SLC25A48: variants seen among roughly 807,000 people sequenced by gnomAD.
SLC25A48 encodes the protein CTC-321K16.1.
SLC25A48 carries 29 observed loss-of-function variants against 32.2 expected under a neutral mutation model. The ratio of observed to expected loss-of-function variants is 0.90; its 90% CI spans 0.67 to 1.23. The LOEUF is 1.23. SLC25A48 is among the 50% of genes most tolerant of loss of function. The pLI is 0.00. For missense variants in SLC25A48, 399 were observed against 422.7 expected, an observed-to-expected ratio of 0.94 and a Z score of 0.49; for synonymous variants, 164 against 172.3, an observed-to-expected ratio of 0.95 and a Z score of 0.38.
chr5:135,718,697 A>G (rs1227966284), intron 3 of SLC25A48, among the ~76,000 whole-genome samples: 1 of 152,206 alleles, frequency 6.6e-6, no homozygotes, highest in East Asian at 1.9e-4. Flanking sequence ...CATACATCCA[A>G]CAACTTGAAT....
At chr5:135,772,153 A>C (rs1449228489) in intron 3 of SLC25A48, among the ~76,000 whole-genome samples, 1 of 151,224 alleles carries the variant, frequency 6.6e-6, no homozygotes, top group Non-Finnish European at 1.5e-5. Context: ...AGGGTGTGTA[A>C]ACTCGCTTGT....
At chr5:135,630,588 CTTTTTTTTTTT>C (rs869088370) in intron 2 of SLC25A48, among the ~76,000 whole-genome samples, 2,807 of 58,968 alleles carry the variant, frequency 0.048, 53 homozygotes, top group African/African-American at 0.074. Flanking sequence ...GGCTGGGCAC[CTTTTTTTTTTT>C]TTTTTTTTTT....
intron 5 of SLC25A48, chr5:135,872,692 T>C (rs1193924542): frequency 2.0e-5 from 3 of 152,230 alleles, no homozygotes; most frequent in African/African-American, 7.2e-5. Flanking sequence ...CAAGAGAGGA[T>C]ACTTTTTAAG....
intron 1 of SLC25A48, among the ~76,000 whole-genome samples, chr5:135,593,085 T>C (rs2126877730): frequency 6.6e-6 from 1 of 152,258 alleles, no homozygotes; most frequent in South Asian, 2.1e-4. Flanking sequence ...TCCTGTTTAA[T>C]AGTGAGGGCT....
chr5:135,765,369 A>G (rs1236794036), intron 3 of SLC25A48, among the ~76,000 whole-genome samples: 1 of 150,964 alleles, frequency 6.6e-6, no homozygotes, highest in Non-Finnish European at 1.5e-5. Context: ...AAAGGGTGAT[A>G]CTACTCTTCA....
chr5:135,839,423 C>T (rs1294946836), intron 1 of SLC25A48, among the ~76,000 whole-genome samples: 1 of 152,136 alleles, frequency 6.6e-6, no homozygotes, highest in Non-Finnish European at 1.5e-5. Context: ...GCCAATTTTT[C>T]CCTTTTGGAA....
chr5:135,860,394 T>C (rs1760682455), intron 4 of SLC25A48, among the ~76,000 whole-genome samples: 2 of 152,178 alleles, frequency 1.3e-5, no homozygotes, highest in Non-Finnish European at 2.9e-5. Flanking sequence ...TCAAGCCTGA[T>C]GTGTAAGCTT....
intron 1 of SLC25A48, among the ~76,000 whole-genome samples, chr5:135,615,420 G>A (rs1469781526): frequency 6.6e-6 from 1 of 152,200 alleles, no homozygotes; most frequent in Non-Finnish European, 1.5e-5. Flanking sequence ...TGGTGGCATT[G>A]TGCTCCTTCT....
Position 135,888,355 on chromosome 5 carries a change from A to C in SLC25A48, c.*331A>C. On this transcript the variant is annotated 3_prime_UTR_variant, in exon 8 of 8. Transcript: ENST00000681962. ...AAACCACCCAGAGAAACGTTGCTTC[A>C]CTCCTCTGTCTGAGGATGGGGAGGG... is the stretch of plus-strand genomic sequence containing the variant. 3 of 362,510 alleles carry C rather than the reference A, an allele frequency of 8.3e-6. No homozygotes were observed. Among genetic ancestry groups the C allele is most frequent in the South Asian group, 6.5e-5 (1 of 15,496 alleles). The allele number at this position is 362,510 out of a possible 1,614,324, so 22.5% of individuals were successfully genotyped here.
chr5:135,745,157 G>A (rs1388154632), intron 3 of SLC25A48, among the ~76,000 whole-genome samples: 2 of 152,322 alleles, frequency 1.3e-5, no homozygotes, highest in Admixed American at 6.5e-5. Context: ...GCCCCGAACA[G>A]AGTTTGACCC....
Position 135,612,379 on chromosome 5 carries a change from G to C in SLC25A48, c.-848-16858G>C, listed in dbSNP as rs141294859. 2.4e-3 allele frequency among the ~76,000 whole-genome samples: 368 copies of C among 152,276 alleles called. 2 individuals carry two copies. Among genetic ancestry groups the C allele is most frequent in the Non-Finnish European group, 3.9e-3 (263 of 68,008 alleles). ...ATCGTCTTGAGGATTTATCATTTCTGTGTGTTGGGAACATTTCAAGTTCTC... is the reference window on the plus strand; with the variant it reads ...ATCGTCTTGAGGATTTATCATTTCTCTGTGTTGGGAACATTTCAAGTTCTC... On this transcript the variant is annotated intron_variant, in intron 1 of 10. Transcript: ENST00000646290.
At chr5:135,879,611 A>AGTGTGT (rs775091968) in intron 6 of SLC25A48, among the ~76,000 whole-genome samples, 21 of 119,496 alleles carry the variant, frequency 1.8e-4, no homozygotes, top group Admixed American at 8.5e-4. Flanking sequence ...AGAGAGAGAG[A>AGTGTGT]GTGTGTGTGT....
chr5:135,692,748 C>A (rs1754176339), intron 3 of SLC25A48, among the ~76,000 whole-genome samples: 1 of 152,124 alleles, frequency 6.6e-6, no homozygotes, highest in Non-Finnish European at 1.5e-5. Flanking sequence ...TGCAATGCAG[C>A]CATCCATGGT....
chr5:135,647,475 A>G (rs958016225), intron 3 of SLC25A48, among the ~76,000 whole-genome samples: 4 of 151,974 alleles, frequency 2.6e-5, no homozygotes, highest in African/African-American at 7.3e-5. Flanking sequence ...ACTTTGCTCT[A>G]AAAACATCTT....
At chr5:135,772,706 A>G (rs1461687870) in intron 3 of SLC25A48, among the ~76,000 whole-genome samples, 1 of 151,532 alleles carries the variant, frequency 6.6e-6, no homozygotes, top group East Asian at 1.9e-4. Context: ...AATATTCAGG[A>G]AAGGAGAGGA....
chr5:135,663,391 C>T (rs900492903), intron 3 of SLC25A48, among the ~76,000 whole-genome samples: 3 of 152,116 alleles, frequency 2.0e-5, no homozygotes, highest in Admixed American at 1.3e-4. Flanking sequence ...ATCTTGACTT[C>T]TCTCCAGTAG....
chr5:135,592,559 G>C (rs1232464041), intron 1 of SLC25A48, among the ~76,000 whole-genome samples: 1 of 152,158 alleles, frequency 6.6e-6, no homozygotes, highest in Non-Finnish European at 1.5e-5. Context: ...AATAGCTCAT[G>C]AAAGGTTAAA....
At chr5:135,786,832 T>G (rs1358982749) in intron 3 of SLC25A48, among the ~76,000 whole-genome samples, 1 of 152,034 alleles carries the variant, frequency 6.6e-6, no homozygotes, top group African/African-American at 2.4e-5. Context: ...GTACACCATG[T>G]GTTTATGCCC....
intron 3 of SLC25A48, among the ~76,000 whole-genome samples, chr5:135,728,520 C>T (rs1288366107): frequency 6.6e-6 from 1 of 152,050 alleles, no homozygotes; most frequent in African/African-American, 2.4e-5. Flanking sequence ...TATGGCTAAT[C>T]CCTCACTGTT....
Sources: gnomAD v4.1 joint callset for allele counts (sites outside exome capture counted in the v4.1 genomes callset) on GRCh38, gnomAD v4.1.1 for gene constraint, MANE v1.5 for transcripts, NCBI Gene and HGNC (gene_info 2026-07-23, HGNC 2026-07-21) for gene names.